Variants in C10orf67 observed in about 807,000 individuals in gnomAD.
The protein encoded by C10orf67 is chromosome 10 open reading frame 67.
Under a neutral mutation model 35.6 loss-of-function variants are expected in C10orf67, and 60 were observed. That is an observed-to-expected ratio of 1.68 (90% CI 1.37 to 2.09). C10orf67 has a LOEUF of 2.09. Ranked by LOEUF, C10orf67 falls within the 30% of genes most tolerant of loss-of-function variation. The probability of loss-of-function intolerance (pLI) is 0.00; values close to 1 mark genes in which losing one functional copy is unlikely to be tolerated. For missense variants in C10orf67, 474 were observed against 330.2 expected (o/e 1.44, Z -3.38); for synonymous variants, 167 against 115.8 (o/e 1.44, Z -2.84).
intron 1 of C10orf67, among the ~76,000 whole-genome samples, chr10:23,340,247 C>T (rs1756737399): frequency 6.6e-6 from 1 of 151,132 alleles, no homozygotes; most frequent in African/African-American, 2.4e-5. Context: ...GGTGTGGTGG[C>T]TCACACCAGC....
chr10:23,208,697 G>C (rs895056773), intron 15 of C10orf67, among the ~76,000 whole-genome samples: 10 of 152,194 alleles, frequency 6.6e-5, no homozygotes, highest in African/African-American at 2.2e-4. Flanking sequence ...AACCTAGAAG[G>C]CTAAGTAGTG....
chr10:23,342,577 T>G (rs931988215), intron 1 of C10orf67, among the ~76,000 whole-genome samples: 9 of 152,170 alleles, frequency 5.9e-5, no homozygotes, highest in Non-Finnish European at 8.8e-5. Flanking sequence ...CATTTTTTTT[T>G]GGGAGCTACC....
intron 7 of C10orf67, 35 bp downstream of exon 7, chr10:23,289,863 TAA>T (rs751523236): frequency 5.6e-6 from 4 of 713,426 alleles, no homozygotes; most frequent in African/African-American, 1.7e-5. Flanking sequence ...TAGTTCCATT[TAA>T]AAGAGTCATT....
rs144895769 is a variant in C10orf67 at position 23,227,527 on chromosome 10, C to G, written c.1435-3709G>C. ...GAAGCAGTCCCTTTGAAAACTGGCACAAGACAGGAATGCCTTCTCTCACCA... is the reference window on the plus strand; with the variant it reads ...GAAGCAGTCCCTTTGAAAACTGGCAGAAGACAGGAATGCCTTCTCTCACCA... On this transcript the variant is annotated intron_variant, in intron 13 of 15. Coordinates refer to ENST00000636213, the MANE Select transcript of C10orf67 (RefSeq NM_001371909.1). Among the ~76,000 whole-genome samples the G allele has an allele frequency of 1.9e-3, 288 of 152,266 alleles. 5 individuals carry two copies. The highest frequency in any genetic ancestry group is 0.017 in the East Asian group (87 of 5,192).
At chr10:23,210,329 T>C (rs1841273181) in intron 15 of C10orf67, among the ~76,000 whole-genome samples, 1 of 152,196 alleles carries the variant, frequency 6.6e-6, no homozygotes, top group South Asian at 2.1e-4. Flanking sequence ...GTACTGGACA[T>C]GGTGGTGTTC....
At chr10:23,202,215 G>A (rs1160592899), downstream of C10orf67, 5 of 152,188 alleles carry the variant, frequency 3.3e-5, no homozygotes, top group African/African-American at 1.2e-4. Context: ...ATGTGCTAGG[G>A]ACATAGAACT....
chr10:23,228,435 A>G (rs1223741547), intron 13 of C10orf67, among the ~76,000 whole-genome samples: 2 of 152,210 alleles, frequency 1.3e-5, no homozygotes, highest in Non-Finnish European at 2.9e-5. Flanking sequence ...TACAAAAATT[A>G]ATTCAAGATG....
intron 8 of C10orf67, among the ~76,000 whole-genome samples, chr10:23,277,179 GAT>G (rs1472131913): frequency 6.6e-6 from 1 of 152,142 alleles, no homozygotes; most frequent in Admixed American, 6.5e-5. Flanking sequence ...GAAGCTACGT[GAT>G]ATTTATCATG....
At chr10:23,275,121 A>G (rs1843149437) in intron 8 of C10orf67, among the ~76,000 whole-genome samples, 1 of 152,116 alleles carries the variant, frequency 6.6e-6, no homozygotes, top group Non-Finnish European at 1.5e-5. Flanking sequence ...TCTGAGGCTT[A>G]GGATTAAATT....
rs563828841 is a variant in C10orf67 at position 23,312,374 on chromosome 10, C to T, written c.546+8367G>A. On this transcript the variant is annotated intron_variant, in intron 4 of 15. Coordinates refer to ENST00000636213, the MANE Select transcript of C10orf67 (RefSeq NM_001371909.1). ...AATGAAGGAAGCCCCTACCAGCTGA[C>T]TCCTGTGTTCTGACATGCCTTCATA... 3.3e-5 allele frequency among the ~76,000 whole-genome samples: 5 copies of T among 152,338 alleles called. No individual in the cohort carries two copies. The South Asian group carries it at 8.3e-4, about 25-fold the overall frequency.
Position 23,239,720 on chromosome 10 carries a change from T to G in C10orf67, c.1434+9A>C. On this transcript the variant is annotated intron_variant, in intron 13 of 15. Transcript: ENST00000636213. ...AGACAAACAGCATCTAAACATTACA[T>G]GCACTTACAATATAATTGAAGGATG... 1 of 648,314 alleles carries G rather than the reference T, an allele frequency of 1.5e-6. No individual in the cohort carries two copies. Among genetic ancestry groups the G allele is most frequent in the Non-Finnish European group, 3.0e-6 (1 of 335,188 alleles). 40.2% of individuals were successfully genotyped at this position (648,314 alleles called of 1,614,324 possible). A position where few individuals can be genotyped will look rare whatever the true frequency, so the allele number is the denominator to read the frequency against.
At position 23,296,820 on chromosome 10, in the gene C10orf67, T is replaced by C. The variant is rs531835357; in HGVS notation, c.703-5541A>G. On this transcript the variant is annotated intron_variant, in intron 5 of 15. Transcript: ENST00000636213. ...AACAAGGAGGTTAAAGATACAGGGA[T>C]TGAAATGTATGGCCTGCAGTGCAGG... 1.1e-3 allele frequency among the ~76,000 whole-genome samples: 173 copies of C among 152,326 alleles called. 1 individual carries two copies. The highest frequency in any genetic ancestry group is 4.1e-3 in the African/African-American group (169 of 41,574).
intron 2 of C10orf67, among the ~76,000 whole-genome samples, chr10:23,332,180 A>G (rs1845511981): frequency 6.6e-6 from 1 of 152,246 alleles, no homozygotes; most frequent in Non-Finnish European, 1.5e-5. Flanking sequence ...AGCTAAATAT[A>G]TGATGCACAT....
intron 13 of C10orf67, among the ~76,000 whole-genome samples, chr10:23,234,142 C>T (rs973144337): frequency 1.3e-5 from 2 of 152,148 alleles, no homozygotes; most frequent in African/African-American, 2.4e-5. Context: ...AAAAACAGAA[C>T]TACCATTTGA....
Position 23,335,344 on chromosome 10 carries a change from T to A in C10orf67, c.207-2162A>T, listed in dbSNP as rs374990101. Reference sequence around the variant, plus strand: ...TTTCTGTCAACTGTAGCTGAAAGCATCCTGACTGATACTGTAGCTAAGTGA... The same window carrying A: ...TTTCTGTCAACTGTAGCTGAAAGCAACCTGACTGATACTGTAGCTAAGTGA... On this transcript the variant is annotated intron_variant, in intron 1 of 15. Coordinates refer to ENST00000636213, the MANE Select transcript of C10orf67 (RefSeq NM_001371909.1). Among the ~76,000 whole-genome samples, 6 of 152,208 alleles carry A rather than the reference T, an allele frequency of 3.9e-5. No individual in the cohort carries two copies. The East Asian group carries it at 1.2e-3, about 29-fold the overall frequency.
At chr10:23,296,782 A>G (rs1187724365) in intron 5 of C10orf67, among the ~76,000 whole-genome samples, 1 of 152,158 alleles carries the variant, frequency 6.6e-6, no homozygotes, top group Non-Finnish European at 1.5e-5. Flanking sequence ...TTGATTCTGG[A>G]AGAGACAAAC....
At chr10:23,289,142 T>G (rs139373358) in intron 7 of C10orf67, among the ~76,000 whole-genome samples, 64 of 152,144 alleles carry the variant, frequency 4.2e-4, no homozygotes, top group African/African-American at 1.5e-3. Context: ...TAAGAAATCT[T>G]GTTGTTGTGG....
intron 15 of C10orf67, among the ~76,000 whole-genome samples, chr10:23,220,373 A>G (rs1841545719): frequency 6.6e-6 from 1 of 152,108 alleles, no homozygotes; most frequent in Non-Finnish European, 1.5e-5. Context: ...CCTCATAACA[A>G]ACCTATGAGG....
chr10:23,324,415 A>C (rs572801136), intron 2 of C10orf67, among the ~76,000 whole-genome samples: 1 of 152,218 alleles, frequency 6.6e-6, no homozygotes, highest in South Asian at 2.1e-4. Flanking sequence ...ACAGGACCCA[A>C]AATGACCCTA....
Sources: gnomAD v4.1 joint callset for allele counts (sites outside exome capture counted in the v4.1 genomes callset) on GRCh38, gnomAD v4.1.1 for gene constraint, MANE v1.5 for transcripts, NCBI Gene and HGNC (gene_info 2026-07-23, HGNC 2026-07-21) for gene names.